Variants in AMOTL1 observed in about 807,000 individuals in gnomAD.
AMOTL1 encodes the protein angiomotin like 1.
AMOTL1 carries 45 observed loss-of-function variants against 102.9 expected under a neutral mutation model. That is an observed-to-expected ratio of 0.44 (90% CI 0.34 to 0.56). The LOEUF (loss-of-function observed/expected upper bound fraction) is 0.56, where lower values mean the gene tolerates loss of function less well. AMOTL1 is among the 20% of genes least tolerant of loss of function. The pLI is 0.01. For missense variants in AMOTL1, 1,114 were observed against 1,225.6 expected (o/e 0.91, Z 1.36); for synonymous variants, 481 against 484.7 (o/e 0.99, Z 0.10).
intron 4 of AMOTL1, among the ~76,000 whole-genome samples, chr11:94,823,062 G>A (rs531637914): frequency 2.0e-5 from 3 of 152,298 alleles, no homozygotes; most frequent in East Asian, 3.9e-4. Context: ...CCGGCTGGCC[G>A]ATTTAGTGTT....
chr11:94,843,680 T>C (rs142495962), intron 6 of AMOTL1, among the ~76,000 whole-genome samples: 1,535 of 152,150 alleles, frequency 0.01, 14 homozygotes, highest in Admixed American at 0.02. Flanking sequence ...GAAGAAGAAA[T>C]GGAGGAGAAA....
intron 1 of AMOTL1, among the ~76,000 whole-genome samples, chr11:94,727,271 T>C (rs988098144): frequency 1.3e-5 from 2 of 152,228 alleles, no homozygotes; most frequent in South Asian, 2.1e-4. Flanking sequence ...TTTTTAAGGA[T>C]GTAGTATTAT....
chr11:94,796,041 A>G (rs1951359483), intron 2 of AMOTL1, among the ~76,000 whole-genome samples: 1 of 152,150 alleles, frequency 6.6e-6, no homozygotes. Context: ...TTGGGTAGTT[A>G]ATGGTTTATT....
rs192906944 is a variant in AMOTL1 at position 94,817,535 on chromosome 11, C to T, written c.1122-3995C>T. On this transcript the variant is annotated intron_variant, in intron 3 of 12. Transcript: ENST00000433060. ...ATGTGTTCCAGAATTGTATGAGATTCCTGTGAGCCTAATATATCTTAGTAA... is the reference window on the plus strand; with the variant it reads ...ATGTGTTCCAGAATTGTATGAGATTTCTGTGAGCCTAATATATCTTAGTAA... Among the ~76,000 whole-genome samples, 11 of 152,234 alleles carry T rather than the reference C, an allele frequency of 7.2e-5. No individual in the cohort carries two copies. The East Asian group carries it at 2.1e-3, about 29-fold the overall frequency.
intron 2 of AMOTL1, among the ~76,000 whole-genome samples, chr11:94,798,476 A>G (rs969360188): frequency 6.6e-6 from 1 of 152,214 alleles, no homozygotes; most frequent in African/African-American, 2.4e-5. Context: ...GACAGAAAGT[A>G]GATGAGGCAG....
intron 6 of AMOTL1, among the ~76,000 whole-genome samples, chr11:94,847,622 G>T (rs1169991507): frequency 6.6e-6 from 1 of 152,130 alleles, no homozygotes; most frequent in Admixed American, 6.5e-5. Context: ...CTCACCTGAG[G>T]CCTCATAATT....
intron 3 of AMOTL1, 116 bp from the exon 4 acceptor site, chr11:94,821,414 A>C: frequency 9.3e-7 from 1 of 1,070,384 alleles, no homozygotes; most frequent in Non-Finnish European, 1.3e-6. Context: ...CCCACTGGGA[A>C]GTGCACTGAT....
At chr11:94,798,282 A>T (rs1951405539) in intron 2 of AMOTL1, among the ~76,000 whole-genome samples, 1 of 152,194 alleles carries the variant, frequency 6.6e-6, no homozygotes, top group South Asian at 2.1e-4. Flanking sequence ...CACATCATAT[A>T]CATGTTTAAA....
chr11:94,744,257 A>T (rs1042091220), intron 3 of AMOTL1, among the ~76,000 whole-genome samples: 6 of 152,292 alleles, frequency 3.9e-5, no homozygotes, highest in African/African-American at 1.4e-4. Flanking sequence ...TAGCTTAGAG[A>T]ACTCAGGGAA....
Position 94,873,403 on chromosome 11 carries a change from C to G in AMOTL1, c.*2608C>G. 1 of 152,164 alleles carries G rather than the reference C, an allele frequency of 6.6e-6. No homozygotes were observed. The highest frequency in any genetic ancestry group is 1.9e-4 in the East Asian group (1 of 5,202). The allele number at this position is 152,164 out of a possible 1,614,324, so 9.4% of individuals were successfully genotyped here. ...TTCATCATTAGAGCTTTCCTGAAGT[C>G]CGGCCATATACTGAGTACCTGCTCT... On this transcript the variant is annotated 3_prime_UTR_variant, in exon 13 of 13. Transcript: ENST00000433060.
intron 2 of AMOTL1, among the ~76,000 whole-genome samples, chr11:94,731,627 C>CT (rs746432415): frequency 1.4e-4 from 21 of 152,260 alleles, no homozygotes; most frequent in African/African-American, 4.8e-4. Flanking sequence ...TACACTAAGC[C>CT]TTTTTTGTAT....
At chr11:94,832,084 T>C (rs1952083998) in intron 6 of AMOTL1, among the ~76,000 whole-genome samples, 1 of 152,222 alleles carries the variant, frequency 6.6e-6, no homozygotes, top group South Asian at 2.1e-4. Context: ...CTTGATTTAT[T>C]GGGAGAATAT....
chr11:94,830,605 T>C (rs1167628640), intron 5 of AMOTL1, among the ~76,000 whole-genome samples: 1 of 152,202 alleles, frequency 6.6e-6, no homozygotes, highest in African/African-American at 2.4e-5. Context: ...CACTTAACTA[T>C]TGCTAGGTGG....
chr11:94,721,412 T>G (rs1187426384), intron 1 of AMOTL1, among the ~76,000 whole-genome samples: 2 of 152,166 alleles, frequency 1.3e-5, no homozygotes, highest in Non-Finnish European at 2.9e-5. Flanking sequence ...TGTTATGGAT[T>G]GAATGTTTGT....
intron 9 of AMOTL1, among the ~76,000 whole-genome samples, chr11:94,861,991 A>G (rs1441401478): frequency 6.6e-6 from 1 of 152,128 alleles, no homozygotes. Flanking sequence ...CCTCCGTGCA[A>G]GGGGAAATGA....
Position 94,874,002 on chromosome 11 carries a change from G to A in AMOTL1, c.*3207G>A, listed in dbSNP as rs1216643889. 2.0e-5 allele frequency: 3 copies of A among 152,236 alleles called. No individual in the cohort carries two copies. The highest frequency in any genetic ancestry group is 4.1e-4 in the South Asian group (2 of 4,832). The allele number at this position is 152,236 out of a possible 1,614,324, so 9.4% of individuals were successfully genotyped here. A position where few individuals can be genotyped will look rare whatever the true frequency, so the allele number is the denominator to read the frequency against. On this transcript the variant is annotated 3_prime_UTR_variant, in exon 13 of 13. Coordinates refer to ENST00000433060, the MANE Select transcript of AMOTL1 (RefSeq NM_130847.3). ...ACTTTCCCAGTGGAGCCTGATTATA[G>A]AACTTGAGGGTCCTATCTCAGGATG...
intron 1 of AMOTL1, among the ~76,000 whole-genome samples, chr11:94,773,255 G>T (rs1950979812): frequency 6.6e-6 from 1 of 152,088 alleles, no homozygotes; most frequent in South Asian, 2.1e-4. Context: ...TTTCTTTAAG[G>T]ATGGTGCATT....
intron 7 of AMOTL1, among the ~76,000 whole-genome samples, chr11:94,851,157 G>A (rs1209674667): frequency 6.6e-6 from 1 of 152,104 alleles, no homozygotes; most frequent in East Asian, 1.9e-4. Flanking sequence ...TGCCACTAAG[G>A]AACGTATTAA....
chr11:94,866,226 T>G, intron 11 of AMOTL1, 58 bp downstream of exon 11: 1 of 1,526,142 alleles, frequency 6.6e-7, no homozygotes, highest in Non-Finnish European at 9.0e-7. Context: ...ACAGCTTCTC[T>G]GCCACTCATG....
Sources: allele counts gnomAD v4.1 joint callset (sites outside exome capture counted in the v4.1 genomes callset), GRCh38; gene constraint gnomAD v4.1.1; transcripts MANE v1.5; gene names NCBI Gene and HGNC (gene_info 2026-07-23, HGNC 2026-07-21).